MELTF: variants seen among roughly 807,000 people sequenced by gnomAD.
MELTF encodes the protein melanotransferrin.
A neutral mutation model predicts 83.7 loss-of-function variants in MELTF; 67 were observed. That is an observed-to-expected ratio of 0.80 (90% CI 0.66 to 0.98). The LOEUF (loss-of-function observed/expected upper bound fraction) is 0.98. Ranked by LOEUF, MELTF falls within the 50% of genes least tolerant of loss-of-function variation. MELTF has a pLI of 0.00. For missense variants in MELTF, 1,002 were observed against 1,035.6 expected, an observed-to-expected ratio of 0.97 and a Z score of 0.44; for synonymous variants, 462 against 447.6, an observed-to-expected ratio of 1.03 and a Z score of -0.41.
At position 197,006,213 on chromosome 3, in the gene MELTF, C is replaced by T. The variant is rs551481662; in HGVS notation, c.1938+336G>A. On this transcript the variant is annotated intron_variant, in intron 14 of 15. Coordinates refer to ENST00000296350, the MANE Select transcript of MELTF (RefSeq NM_005929.6). The surrounding 1 kb of genome is among the most constrained non-coding windows in gnomAD (Gnocchi z 5.4). ...TCCAGCCTGGGGCGACAGAGTAAGACTCCGTCTCAAAAAAAAAAGAAAAAA... is the reference window on the plus strand; with the variant it reads ...TCCAGCCTGGGGCGACAGAGTAAGATTCCGTCTCAAAAAAAAAAGAAAAAA... Among the ~76,000 whole-genome samples the T allele has an allele frequency of 9.3e-5, 14 of 151,032 alleles. 1 individual carries two copies. In the South Asian group the frequency reaches 2.9e-3, roughly 32 times the overall value.
Position 197,029,538 on chromosome 3 carries a change from G to T in MELTF, c.49+116C>A. 2.4e-6 allele frequency: 2 copies of T among 837,326 alleles called. No individual in the cohort carries two copies. Among genetic ancestry groups the T allele is most frequent in the Non-Finnish European group, 3.2e-6 (2 of 628,344 alleles). The allele number at this position is 837,326 out of a possible 1,614,324, so 51.9% of individuals were successfully genotyped here. On this transcript the variant is annotated intron_variant, in intron 1 of 15. Coordinates refer to ENST00000296350, the MANE Select transcript of MELTF (RefSeq NM_005929.6). The surrounding 1 kb of genome is among the most constrained non-coding windows in gnomAD (Gnocchi z 6.5). ...TCGACCCCGAGCCCCTGCCTCCCCC[G>T]TCTCACTGCCCCGGAGCCGCAGGCT...
At chr3:197,020,496 C>CAT (rs1719576924) in intron 6 of MELTF, among the ~76,000 whole-genome samples, 1 of 152,042 alleles carries the variant, frequency 6.6e-6, no homozygotes, top group Admixed American at 6.6e-5. Flanking sequence ...CACGCACACA[C>CAT]ACACACACAC....
chr3:197,017,189 G>A lies in MELTF; in HGVS notation c.814C>T (p.His272Tyr), dbSNP rs1719412694. 4.4e-6 allele frequency: 7 copies of A among 1,606,644 alleles called. No individual in the cohort carries two copies. Among genetic ancestry groups the A allele is most frequent in the Non-Finnish European group, 2.5e-6 (3 of 1,177,826 alleles). Residue 272 changes from histidine to tyrosine, a missense_variant, in exon 7 of 16, where the codon CAT becomes TAT. Transcript: ENST00000296350. ...RADVTEWRQC[H>Y]LARVPAHAVV... Reference sequence around the variant, plus strand: ...GCGTGAGCAGGCACCCGGGCCAGATGGCACTGCCTCCACTCGGTGACATCG... The same window carrying A: ...GCGTGAGCAGGCACCCGGGCCAGATAGCACTGCCTCCACTCGGTGACATCG...
At chr3:197,010,942 A>T in intron 9 of MELTF, 148 bp from the exon 10 acceptor site, 1 of 681,424 alleles carries the variant, frequency 1.5e-6, no homozygotes, top group Non-Finnish European at 2.6e-6. Flanking sequence ...GGAGTACCCC[A>T]TCCTGGCAGT....
intron 9 of MELTF, among the ~76,000 whole-genome samples, chr3:197,012,544 G>A (rs1390754517): frequency 6.6e-6 from 1 of 152,274 alleles, no homozygotes; most frequent in Non-Finnish European, 1.5e-5. Context: ...AGTTGGCACT[G>A]CTGAGGGGCC....
chr3:197,009,590 G>A (rs1000230056), intron 11 of MELTF, 28 bp downstream of exon 11: 1 of 1,589,728 alleles, frequency 6.3e-7, no homozygotes, highest in African/African-American at 1.3e-5. Context: ...GGCTTCCCCA[G>A]TCTGCGTTCC....
rs1382196377 is a variant in MELTF at position 197,008,254 on chromosome 3, G to T, written c.1750+403C>A. 6.6e-6 allele frequency among the ~76,000 whole-genome samples: 1 copy of T among 152,134 alleles called. No homozygotes were observed. The highest frequency in any genetic ancestry group is 6.5e-5 in the Admixed American group (1 of 15,278). Reference sequence around the variant, plus strand: ...CTGCAGAGAGATTTCCTTGCATGAGGCAGTGACCTGCTCAGGAACACAGAC... The same window carrying T: ...CTGCAGAGAGATTTCCTTGCATGAGTCAGTGACCTGCTCAGGAACACAGAC... On this transcript the variant is annotated intron_variant, in intron 13 of 15. Coordinates refer to ENST00000296350, the MANE Select transcript of MELTF (RefSeq NM_005929.6). The surrounding 1 kb of genome is among the most constrained non-coding windows in gnomAD (Gnocchi z 5.4).
Position 197,003,466 on chromosome 3 carries a change from G to T in MELTF, c.2138-15C>A, listed in dbSNP as rs1407550919. 2 of 1,066,370 alleles carry T rather than the reference G, an allele frequency of 1.9e-6. No individual in the cohort carries two copies. Among genetic ancestry groups the T allele is most frequent in the South Asian group, 4.5e-5 (1 of 22,444 alleles). The allele number at this position is 1,066,370 out of a possible 1,614,324, so 66.1% of individuals were successfully genotyped here. A position where few individuals can be genotyped will look rare whatever the true frequency, so the allele number is the denominator to read the frequency against. ...CGCCGGGGCCGCTGGGGACGAACGC[G>T]GCGGGTCAGGCCCCGAAGCCCGGGC... is the stretch of plus-strand genomic sequence containing the variant. On this transcript the variant is annotated splice_polypyrimidine_tract_variant and intron_variant, in intron 15 of 15. Coordinates refer to ENST00000296350, the MANE Select transcript of MELTF (RefSeq NM_005929.6). The surrounding 1 kb of genome is among the most constrained non-coding windows in gnomAD (Gnocchi z 6.2).
intron 6 of MELTF, chr3:197,021,175 C>T: frequency 1.8e-6 from 1 of 544,170 alleles, no homozygotes; most frequent in Non-Finnish European, 3.2e-6. Context: ...TGGCCCCCTT[C>T]TCCTGCCCTG....
Position 197,016,219 on chromosome 3 carries a change from C to A in MELTF, c.1051G>T (p.Ala351Ser), listed in dbSNP as rs549039602. 2.2e-4 allele frequency: 343 copies of A among 1,586,648 alleles called. 7 individuals are homozygous for A. The South Asian group carries it at 3.9e-3, about 18-fold the overall frequency. The change falls in exon 8 of 16, where the codon GCC becomes TCC. Residue 351 changes from alanine to serine, a missense_variant. Coordinates refer to ENST00000296350, the MANE Select transcript of MELTF (RefSeq NM_005929.6). Reference sequence around the variant, plus strand: ...GGGTCACAGAGCAGACCCTTCATGGCGTGCAGGTACTCATGGCCCAGCCAC... The same window carrying A: ...GGGTCACAGAGCAGACCCTTCATGGAGTGCAGGTACTCATGGCCCAGCCAC... ...EAWLGHEYLH[A>S]MKGLLCDPNR... is the part of the protein sequence containing the mutation.
Position 197,024,532 on chromosome 3 carries a change from G to A in MELTF, c.305-47C>T. The A allele has an allele frequency of 6.6e-7, 1 of 1,510,654 alleles. No individual in the cohort carries two copies. Among genetic ancestry groups the A allele is most frequent in the East Asian group, 2.3e-5 (1 of 43,376 alleles). The allele number at this position is 1,510,654 out of a possible 1,614,324, so 93.6% of individuals were successfully genotyped here. A position where few individuals can be genotyped will look rare whatever the true frequency, so the allele number is the denominator to read the frequency against. ...TGAGGGCAGCAGGGAGAGGCCTCGA[G>A]AGAGGCTGCACCAGCACCCTGCCTG... On this transcript the variant is annotated intron_variant, in intron 3 of 15. Coordinates refer to ENST00000296350, the MANE Select transcript of MELTF (RefSeq NM_005929.6). This position sits in a 1 kb window ranked among gnomAD's most constrained non-coding sequence, Gnocchi z 5.3.
intron 11 of MELTF, 152 bp from the exon 12 acceptor site, chr3:197,009,117 T>C: frequency 1.1e-6 from 1 of 871,214 alleles, no homozygotes; most frequent in Non-Finnish European, 1.8e-6. Context: ...CTGAGTGGAG[T>C]GTCTCCTGGA....
At chr3:197,023,265 A>G (rs1719703852) in intron 4 of MELTF, 152 bp from the exon 5 acceptor site, 11 of 790,058 alleles carry the variant, frequency 1.4e-5, no homozygotes, top group Admixed American at 2.8e-5. Context: ...TGGGGAGTGG[A>G]CCCGATCAGT....
rs1719036319 is a variant in MELTF, at chr3:197,007,894, G to A, written c.1750+763C>T. Among the ~76,000 whole-genome samples, 1 of 152,242 alleles carries A rather than the reference G, an allele frequency of 6.6e-6. No individual in the cohort carries two copies. Among genetic ancestry groups the A allele is most frequent in the Non-Finnish European group, 1.5e-5 (1 of 68,032 alleles). ...GGGCTAAGTCTATAGGAGGAGACAT[G>A]TTGGGAGCGAGTGGAGAAGACTGGG... On this transcript the variant is annotated intron_variant, in intron 13 of 15. Transcript: ENST00000296350. This position sits in a 1 kb window ranked among gnomAD's most constrained non-coding sequence, Gnocchi z 4.3.
chr3:197,022,892 T>C lies in MELTF; in HGVS notation c.644+65A>G. 6.7e-7 allele frequency: 1 copy of C among 1,498,776 alleles called. No homozygotes were observed. The highest frequency in any genetic ancestry group is 2.2e-5 in the Admixed American group (1 of 45,900). 92.8% of individuals were successfully genotyped at this position (1,498,776 alleles called of 1,614,324 possible). A position where few individuals can be genotyped will look rare whatever the true frequency, so the allele number is the denominator to read the frequency against. On this transcript the variant is annotated intron_variant, in intron 5 of 15. Coordinates refer to ENST00000296350, the MANE Select transcript of MELTF (RefSeq NM_005929.6). The surrounding 1 kb of genome is among the most constrained non-coding windows in gnomAD (Gnocchi z 5.1). ...GGCCCTCTCTGGGCAAAGGTGTTTT[T>C]CCCCAGCATTTGTGGCCTCAGCTCC...
intron 8 of MELTF, 60 bp downstream of exon 8, chr3:197,016,129 T>C: frequency 7.1e-7 from 1 of 1,408,236 alleles, no homozygotes; most frequent in Non-Finnish European, 9.4e-7. Flanking sequence ...CCAGAGAGCC[T>C]CGCCATGCCC....
rs750999715 is a variant in MELTF, at chr3:197,026,619, C to T, written c.304+41G>A. ...AAGGGCAGCCTGGAGAGCTGACTTC[C>T]AGCGCAGGCTGTCCTCTCTCCTCCC... On this transcript the variant is annotated intron_variant, in intron 3 of 15. Transcript: ENST00000296350. 28 of 1,577,310 alleles carry T rather than the reference C, an allele frequency of 1.8e-5. No homozygotes were observed. The East Asian group carries it at 5.8e-4, about 33-fold the overall frequency.
In MELTF at chr3:197,024,293, A is replaced by G; in HGVS notation, c.487+10T>C. ...CCTGGGGACCCTCCTGCCCAGCCCA[A>G]AGCCCTCACCTTTGAGTACATCGCA... On this transcript the variant is annotated intron_variant, in intron 4 of 15. Coordinates refer to ENST00000296350, the MANE Select transcript of MELTF (RefSeq NM_005929.6). The surrounding 1 kb of genome is among the most constrained non-coding windows in gnomAD (Gnocchi z 5.3). 6.5e-7 allele frequency: 1 copy of G among 1,548,844 alleles called. No individual in the cohort carries two copies. The highest frequency in any genetic ancestry group is 8.7e-7 in the Non-Finnish European group (1 of 1,143,912).
chr3:197,023,323 C>T (rs1719707041), intron 4 of MELTF, among the ~76,000 whole-genome samples: 1 of 152,234 alleles, frequency 6.6e-6, no homozygotes, highest in Non-Finnish European at 1.5e-5. Flanking sequence ...CTGGGAGCGA[C>T]TGTCATTTAA....
Sources: allele counts gnomAD v4.1 joint callset (sites outside exome capture counted in the v4.1 genomes callset), GRCh38; gene constraint gnomAD v4.1.1; non-coding constraint Gnocchi (gnomAD v3.1); transcripts MANE v1.5; gene names NCBI Gene and HGNC (gene_info 2026-07-23, HGNC 2026-07-21).